Variants in SLIT1 observed in about 807,000 individuals in gnomAD.
SLIT1 encodes the protein slit guidance ligand 1, also known as slit homolog 1 protein.
In SLIT1, 66 loss-of-function variants were observed where a neutral mutation model predicts 186.1. The observed-to-expected ratio is 0.35, with a 90% CI of 0.29 to 0.44. SLIT1 has a LOEUF of 0.44. Among genes scored for constraint, SLIT1 ranks in the 20% least tolerant of loss-of-function variants. The pLI, the probability that SLIT1 is intolerant of heterozygous loss-of-function variation, is 1.00. For synonymous variants in SLIT1, 761 were observed against 833.8 expected (o/e 0.91, Z 1.50); for missense variants, 1,638 against 2,037.4 (o/e 0.80, Z 3.77).
chr10:97,124,836 C>T (rs367746216), intron 4 of SLIT1, among the ~76,000 whole-genome samples: 18 of 152,158 alleles, frequency 1.2e-4, no homozygotes, highest in East Asian at 7.7e-4. Flanking sequence ...ACCCGCTGTG[C>T]GACCCAACGT....
intron 4 of SLIT1, among the ~76,000 whole-genome samples, chr10:97,128,150 A>G (rs943267388): frequency 1.3e-5 from 2 of 151,794 alleles, no homozygotes; most frequent in Admixed American, 1.3e-4. Flanking sequence ...GGCTGGCCTC[A>G]GCCCTGGCCC....
chr10:97,171,178 G>C (rs1029354828), intron 1 of SLIT1, among the ~76,000 whole-genome samples: 2 of 152,216 alleles, frequency 1.3e-5, no homozygotes, highest in Non-Finnish European at 2.9e-5. Flanking sequence ...GGCGCTGAGA[G>C]TGTGCAGAGT....
intron 4 of SLIT1, among the ~76,000 whole-genome samples, chr10:97,139,267 C>T (rs1299918767): frequency 6.6e-6 from 1 of 152,208 alleles, no homozygotes; most frequent in Non-Finnish European, 1.5e-5. Flanking sequence ...CTAGCTGCTA[C>T]TTTGCAAACA....
rs1850408714 is a variant in SLIT1 at position 97,185,871 on chromosome 10, T to G, written c.-197A>C. On this transcript the variant is annotated 5_prime_UTR_variant, in exon 1 of 37. Transcript: ENST00000266058. ...TGTGCGCGGACGGAGGGAGGGCGCC[T>G]TGGGCGGAGGGGGCTCGGCTCCTCT... 2.0e-6 allele frequency: 1 copy of G among 509,208 alleles called. No individual in the cohort carries two copies. The highest frequency in any genetic ancestry group is 3.6e-5 in the East Asian group (1 of 28,010). 31.5% of individuals were successfully genotyped at this position (509,208 alleles called of 1,614,324 possible).
intron 28 of SLIT1, 90 bp from the exon 29 acceptor site, chr10:97,014,248 G>A (rs1312149551): frequency 4.7e-6 from 7 of 1,482,548 alleles, no homozygotes; most frequent in African/African-American, 1.4e-5. Flanking sequence ...ATTCCACGGA[G>A]TTAGGGTCCC....
chr10:97,037,983 T>C (rs557153952), intron 21 of SLIT1, among the ~76,000 whole-genome samples: 1 of 152,232 alleles, frequency 6.6e-6, no homozygotes, highest in South Asian at 2.1e-4. Context: ...AAAAAGCCAA[T>C]AGTCACGTGG....
chr10:97,090,037 T>A (rs1342202469), intron 4 of SLIT1, among the ~76,000 whole-genome samples: 1 of 152,202 alleles, frequency 6.6e-6, no homozygotes, highest in Non-Finnish European at 1.5e-5. Flanking sequence ...GGCACATGTG[T>A]CTGTCACCAG....
chr10:97,185,766 G>A lies in SLIT1; in HGVS notation c.-92C>T. 1 of 1,179,376 alleles carries A rather than the reference G, an allele frequency of 8.5e-7. No individual in the cohort carries two copies. The highest frequency in any genetic ancestry group is 1.1e-6 in the Non-Finnish European group (1 of 894,384). 73.1% of individuals were successfully genotyped at this position (1,179,376 alleles called of 1,614,324 possible). On this transcript the variant is annotated 5_prime_UTR_variant, in exon 1 of 37. Transcript: ENST00000266058. ...CGCCTCCAGGTGCAGTCCCGGGGCA[G>A]AGCCACCGAAGAGCCCGCGGGCTTG...
intron 4 of SLIT1, among the ~76,000 whole-genome samples, chr10:97,132,092 A>G (rs1301653948): frequency 1.3e-5 from 2 of 152,208 alleles, no homozygotes; most frequent in African/African-American, 2.4e-5. Context: ...CTGTGGCTGC[A>G]TGCCCCAGGC....
chr10:97,158,629 T>C (rs139273210), intron 3 of SLIT1, among the ~76,000 whole-genome samples: 7,196 of 138,248 alleles, frequency 0.052, 227 homozygotes, highest in East Asian at 0.13. Flanking sequence ...ACCACTGCAC[T>C]CCAGCCTGGG....
intron 25 of SLIT1, among the ~76,000 whole-genome samples, 167 bp downstream of exon 25, chr10:97,030,590 G>A (rs903342390): frequency 1.3e-5 from 2 of 152,220 alleles, no homozygotes; most frequent in African/African-American, 4.8e-5. Context: ...TGTGGCTGAT[G>A]AACCACTGGA....
intron 4 of SLIT1, chr10:97,153,223 T>G (rs1849900770): frequency 6.6e-6 from 1 of 152,204 alleles, no homozygotes; most frequent in African/African-American, 2.4e-5. Flanking sequence ...CCATAGATCC[T>G]GCATAGGAAA....
chr10:97,083,699 G>A (rs1445538806), intron 4 of SLIT1, among the ~76,000 whole-genome samples: 1 of 152,142 alleles, frequency 6.6e-6, no homozygotes, highest in Admixed American at 6.5e-5. Context: ...ATTGCCTGGG[G>A]ACTTCTTGCC....
chr10:97,185,690 T>C lies in SLIT1; in HGVS notation c.-16A>G. 6.7e-7 allele frequency: 1 copy of C among 1,486,814 alleles called. No individual in the cohort carries two copies. The highest frequency in any genetic ancestry group is 1.3e-5 in the South Asian group (1 of 76,836). 92.1% of individuals were successfully genotyped at this position (1,486,814 alleles called of 1,614,324 possible). A position where few individuals can be genotyped will look rare whatever the true frequency, so the allele number is the denominator to read the frequency against. ...TCAGCGCCATGGTGCCCTCACAGCG[T>C]CCCGCTCGCGAGCCAGACGGCAGCA... On this transcript the variant is annotated 5_prime_UTR_variant, in exon 1 of 37. Transcript: ENST00000266058.
intron 1 of SLIT1, among the ~76,000 whole-genome samples, chr10:97,167,439 A>G (rs542431930): frequency 3.4e-4 from 52 of 152,318 alleles, no homozygotes; most frequent in African/African-American, 1.2e-3. Flanking sequence ...TTTTTCTATT[A>G]TAAAAATATG....
chr10:97,054,423 T>G (rs968887663), intron 13 of SLIT1, among the ~76,000 whole-genome samples: 33 of 152,054 alleles, frequency 2.2e-4, no homozygotes, highest in African/African-American at 6.0e-4. Flanking sequence ...CTCTTTTCTT[T>G]ATAGATTACC....
intron 4 of SLIT1, among the ~76,000 whole-genome samples, chr10:97,106,097 C>T (rs1483132417): frequency 1.3e-5 from 2 of 152,158 alleles, no homozygotes; most frequent in Non-Finnish European, 2.9e-5. Context: ...TCTGGAGATC[C>T]GCCCCTCCCC....
chr10:97,179,437 T>C (rs1440474894), intron 1 of SLIT1, among the ~76,000 whole-genome samples: 3 of 152,084 alleles, frequency 2.0e-5, no homozygotes, highest in Non-Finnish European at 4.4e-5. Flanking sequence ...AAAAAAATCA[T>C]CTCATCTTAA....
intron 10 of SLIT1, 59 bp from the exon 11 acceptor site, chr10:97,059,590 G>A: frequency 2.3e-6 from 3 of 1,312,376 alleles, no homozygotes; most frequent in Non-Finnish European, 3.3e-6. Flanking sequence ...ACTAAGCCCT[G>A]CCCAGTCCCC....
Sources: allele counts gnomAD v4.1 joint callset (sites outside exome capture counted in the v4.1 genomes callset), GRCh38; gene constraint gnomAD v4.1.1; transcripts MANE v1.5; gene names NCBI Gene and HGNC (gene_info 2026-07-23, HGNC 2026-07-21).